CR1L: variants seen among roughly 807,000 people sequenced by gnomAD.
CR1L encodes the protein complement component receptor 1-like protein.
Under a neutral mutation model 62.3 loss-of-function variants are expected in CR1L, and 59 were observed. The ratio of observed to expected loss-of-function variants is 0.95; its 90% CI spans 0.77 to 1.18. The LOEUF is 1.18. Among genes scored for constraint, CR1L ranks in the 50% most tolerant of loss-of-function variants. The probability of loss-of-function intolerance (pLI) is 0.00; values close to 1 mark genes in which losing one functional copy is unlikely to be tolerated. For missense variants in CR1L, 700 were observed against 702.8 expected (o/e 1.00, Z 0.04); for synonymous variants, 279 against 248.7 (o/e 1.12, Z -1.15).
intron 1 of CR1L, among the ~76,000 whole-genome samples, chr1:207,668,589 T>C (rs12567945): frequency 0.063 from 9,577 of 150,864 alleles, 713 homozygotes; most frequent in East Asian, 0.36. Context: ...AATAAATTCA[T>C]CCTTGAATAC....
At position 207,657,834 on chromosome 1, in the gene CR1L, AG is replaced by A. The variant is rs1320765308; in HGVS notation, c.97+12505del. Among the ~76,000 whole-genome samples the A allele has an allele frequency of 3.9e-5, 6 of 152,376 alleles. No homozygotes were observed. In the South Asian group the frequency reaches 1.2e-3, roughly 32 times the overall value. On this transcript the variant is annotated intron_variant, in intron 1 of 11. Coordinates refer to ENST00000508064, the MANE Select transcript of CR1L (RefSeq NM_175710.2). ...AATCACAGAATAACAGTGATTTAAAAGTATATACTTCCCAAGTATGCATGAA... is the reference window on the plus strand; with the variant it reads ...AATCACAGAATAACAGTGATTTAAAATATATACTTCCCAAGTATGCATGAA...
intron 1 of CR1L, among the ~76,000 whole-genome samples, chr1:207,666,054 G>A (rs575030726): frequency 3.7e-4 from 56 of 152,294 alleles, no homozygotes; most frequent in African/African-American, 1.3e-3. Context: ...GCATGGAGGA[G>A]AAAGAGCTAA....
Position 207,697,868 on chromosome 1 carries a change from T to C in CR1L, c.1137T>C (p.Asp379=). ...GAGCAAAAGTGGATTTTGTTTGTGA[T>C]GAAGGGTGAGTATGAGCTTGCCTGA... The part of the protein sequence containing the change: ...QLGAKVDFVC[D]EGFQLKGSSA... Residue 379 remains aspartate (D), a synonymous_variant, in exon 7 of 12, where the codon GAT becomes GAC. Coordinates refer to ENST00000508064, the MANE Select transcript of CR1L (RefSeq NM_175710.2). 1 of 1,613,906 alleles carries C rather than the reference T, an allele frequency of 6.2e-7. No individual in the cohort carries two copies. Among genetic ancestry groups the C allele is most frequent in the Non-Finnish European group, 8.5e-7 (1 of 1,179,872 alleles).
intron 1 of CR1L, among the ~76,000 whole-genome samples, chr1:207,661,685 A>G (rs1179823737): frequency 6.6e-6 from 1 of 152,158 alleles, no homozygotes; most frequent in African/African-American, 2.4e-5. Flanking sequence ...TGATCCTGTC[A>G]TTATGATGTT....
At chr1:207,706,326 T>A (rs1304394241) in intron 9 of CR1L, among the ~76,000 whole-genome samples, 2 of 151,078 alleles carry the variant, frequency 1.3e-5, no homozygotes, top group Non-Finnish European at 3.0e-5. Flanking sequence ...GAGACTGAGG[T>A]GAAAGGATCA....
intron 1 of CR1L, among the ~76,000 whole-genome samples, chr1:207,665,316 A>C (rs1249906302): frequency 6.6e-6 from 1 of 152,186 alleles, no homozygotes; most frequent in Non-Finnish European, 1.5e-5. Context: ...GGTATCCCAA[A>C]GTGCTGGGAT....
chr1:207,658,129 A>G (rs551985633), intron 1 of CR1L, among the ~76,000 whole-genome samples: 1 of 152,346 alleles, frequency 6.6e-6, no homozygotes, highest in East Asian at 1.9e-4. Context: ...CAGCTAAAGC[A>G]TTGCTTACAG....
chr1:207,708,909 G>C (rs1664310668), intron 10 of CR1L: 8 of 386,472 alleles, frequency 2.1e-5, no homozygotes, highest in South Asian at 1.2e-4. Context: ...CCCTACAGTA[G>C]AGTAGGACAC....
chr1:207,723,303 G>A (rs1310035526), intron 11 of CR1L, among the ~76,000 whole-genome samples: 1 of 151,812 alleles, frequency 6.6e-6, no homozygotes, highest in Non-Finnish European at 1.5e-5. Flanking sequence ...GGTAGCACGT[G>A]CCTGTTTTCC....
chr1:207,677,150 T>C (rs1217984447), intron 1 of CR1L, among the ~76,000 whole-genome samples: 2 of 151,400 alleles, frequency 1.3e-5, no homozygotes, highest in African/African-American at 2.4e-5. Flanking sequence ...GGTGAAACCT[T>C]GTTTCTACTA....
At chr1:207,668,541 G>A (rs1663558467) in intron 1 of CR1L, among the ~76,000 whole-genome samples, 1 of 150,956 alleles carries the variant, frequency 6.6e-6, no homozygotes. Flanking sequence ...GAGATGGAGA[G>A]AGATTGGTTA....
In CR1L at chr1:207,694,687, G is replaced by A. The variant is rs760181766; in HGVS notation, c.798G>A (p.Gly266=). ...GTCAGCCTGGCTTTGGCATGAAAGG[G>A]CCCTCCCATGTGAAGTGCCAGGCCC... ...FRCQPGFGMK[G]PSHVKCQALN... Residue 266 remains glycine (G), a synonymous_variant, in exon 5 of 12, where the codon GGG becomes GGA. Coordinates refer to ENST00000508064, the MANE Select transcript of CR1L (RefSeq NM_175710.2). 1 of 1,611,884 alleles carries A rather than the reference G, an allele frequency of 6.2e-7. No individual in the cohort carries two copies. The highest frequency in any genetic ancestry group is 8.5e-7 in the Non-Finnish European group (1 of 1,179,718).
At chr1:207,706,651 A>G (rs1002058779) in intron 9 of CR1L, among the ~76,000 whole-genome samples, 2 of 152,200 alleles carry the variant, frequency 1.3e-5, no homozygotes, top group African/African-American at 4.8e-5. Context: ...ACAACACTAA[A>G]TTGTAGAAGA....
chr1:207,691,120 C>A (rs1002235760), intron 4 of CR1L, among the ~76,000 whole-genome samples: 1 of 152,200 alleles, frequency 6.6e-6, no homozygotes, highest in African/African-American at 2.4e-5. Context: ...TTCTAGCAAT[C>A]TTTAAGCAAT....
chr1:207,696,383 C>T (rs972245251), intron 5 of CR1L, among the ~76,000 whole-genome samples: 3 of 152,222 alleles, frequency 2.0e-5, no homozygotes, highest in South Asian at 2.1e-4. Flanking sequence ...ATGCCTCCAA[C>T]TGGAAGAACC....
chr1:207,694,327 A>G, intron 4 of CR1L, 26 bp from the exon 5 acceptor site: 1 of 1,613,108 alleles, frequency 6.2e-7, no homozygotes, highest in East Asian at 2.2e-5. Context: ...TCATTATTTA[A>G]ATTGACTGTG....
At chr1:207,687,672 G>T (rs1328525508) in intron 4 of CR1L, among the ~76,000 whole-genome samples, 16 of 152,116 alleles carry the variant, frequency 1.1e-4, no homozygotes, top group Admixed American at 1.0e-3. Context: ...ATGAAGGATG[G>T]TCAGTTTTTT....
Position 207,669,352 on chromosome 1 carries a change from A to G in CR1L, c.98-8037A>G, listed in dbSNP as rs1663572358. The G allele has an allele frequency of 1.4e-5, 11 of 807,808 alleles. No homozygotes were observed. The Admixed American group carries it at 1.7e-4, about 12-fold the overall frequency. 50.0% of individuals were successfully genotyped at this position (807,808 alleles called of 1,614,324 possible). On this transcript the variant is annotated intron_variant, in intron 1 of 11. Transcript: ENST00000508064. ...CCTCCCCATGCTCTGGGCGCGGAGC[A>G]CAAGGATTGGTCACTCCTCTTTGCA...
intron 10 of CR1L, among the ~76,000 whole-genome samples, chr1:207,714,506 T>A (rs1387359452): frequency 1.3e-5 from 2 of 152,154 alleles, no homozygotes. Flanking sequence ...CCCATCTGCC[T>A]GTGATTTGTC....
Sources: allele counts gnomAD v4.1 joint callset (sites outside exome capture counted in the v4.1 genomes callset), GRCh38; gene constraint gnomAD v4.1.1; transcripts MANE v1.5; gene names NCBI Gene and HGNC (gene_info 2026-07-23, HGNC 2026-07-21).